The following VPS53 variants were observed in gnomAD, a reference collection of about 807,000 sequenced individuals.
VPS53 encodes VPS53 subunit of GARP complex, also known as vacuolar protein sorting-associated protein 53 homolog.
VPS53 carries 70 observed loss-of-function variants against 107.0 expected under a neutral mutation model. The observed-to-expected ratio is 0.65, with a 90% CI of 0.54 to 0.80. The LOEUF (loss-of-function observed/expected upper bound fraction) is 0.80, where lower values mean the gene tolerates loss of function less well. Ranked by LOEUF, VPS53 falls within the 30% of genes least tolerant of loss-of-function variation. VPS53 has a pLI of 0.00. For synonymous variants in VPS53, 409 were observed against 393.3 expected (o/e 1.04, Z -0.47); for missense variants, 917 against 1,049.4 (o/e 0.87, Z 1.74).
chr17:674,127 T>A (rs1034466765), intron 4 of VPS53: 1 of 152,192 alleles, frequency 6.6e-6, no homozygotes. Context: ...CACCTCCAAG[T>A]GGCAAAAGAC....
At chr17:624,708 C>T (rs1397187727) in intron 10 of VPS53, among the ~76,000 whole-genome samples, 1 of 152,166 alleles carries the variant, frequency 6.6e-6, no homozygotes, top group African/African-American at 2.4e-5. Flanking sequence ...CCAGCCTCTC[C>T]CAGGCTCCAT....
At position 574,778 on chromosome 17, in the gene VPS53, A is replaced by C. The variant is rs554472710; in HGVS notation, c.1313+11492T>G. Among the ~76,000 whole-genome samples, 51 of 152,270 alleles carry C rather than the reference A, an allele frequency of 3.3e-4. 1 individual carries two copies. Among genetic ancestry groups the C allele is most frequent in the Admixed American group, 1.5e-3 (23 of 15,294 alleles). ...ACCCCGTCTCAAAAATAAATAAATAAAAATAAACCCTGGACCCAGTAACTT... is the reference window on the plus strand; with the variant it reads ...ACCCCGTCTCAAAAATAAATAAATACAAATAAACCCTGGACCCAGTAACTT... On this transcript the variant is annotated intron_variant, in intron 13 of 21. Transcript: ENST00000437048.
At chr17:632,916 A>G in intron 7 of VPS53, 2 of 383,642 alleles carry the variant, frequency 5.2e-6, no homozygotes, top group Non-Finnish European at 1.0e-5. Context: ...TAAGGTAAAA[A>G]CAAAAAGAGC....
At chr17:592,538 C>T (rs1967719357) in intron 12 of VPS53, among the ~76,000 whole-genome samples, 1 of 152,068 alleles carries the variant, frequency 6.6e-6, no homozygotes, top group African/African-American at 2.4e-5. Flanking sequence ...CCGGTTGTTC[C>T]TTTCCATGTT....
Position 655,886 on chromosome 17 carries a change from G to T in VPS53, c.440C>A (p.Thr147Asn), listed in dbSNP as rs536729605. Residue 147 changes from threonine (T) to asparagine (N), a missense_variant, in exon 6 of 22, where the codon ACC becomes AAC. Thr to Asn is a moderately conservative substitution (Grantham distance 65, BLOSUM62 0). Coordinates refer to ENST00000437048, the MANE Select transcript of VPS53 (RefSeq NM_001128159.3). ...CAGCATGTGCAGGTGGTTCAGTGTG[G>T]TGATTGAGGTGGTCAGGTGGCGTTT... is the stretch of plus-strand genomic sequence containing the variant. ...HAKRHLTTSI[T>N]TLNHLHMLAG... The T allele has an allele frequency of 6.2e-7, 1 of 1,613,406 alleles. No individual in the cohort carries two copies. Among genetic ancestry groups the T allele is most frequent in the African/African-American group, 1.3e-5 (1 of 74,868 alleles).
chr17:628,409 C>A (rs1321259995), intron 8 of VPS53, among the ~76,000 whole-genome samples, 178 bp from the exon 9 acceptor site: 2 of 152,166 alleles, frequency 1.3e-5, no homozygotes, highest in South Asian at 4.1e-4. Context: ...AGGATGGAAT[C>A]CTTACACTCG....
intron 18 of VPS53, 139 bp from the exon 19 acceptor site, chr17:533,050 T>C: frequency 7.2e-7 from 1 of 1,395,920 alleles, no homozygotes; most frequent in Non-Finnish European, 9.5e-7. Context: ...TTGCCCATTA[T>C]CTTATTTTTC....
intron 4 of VPS53, among the ~76,000 whole-genome samples, chr17:665,901 G>A (rs1971662571): frequency 6.6e-6 from 1 of 152,202 alleles, no homozygotes; most frequent in Non-Finnish European, 1.5e-5. Flanking sequence ...CTACTCGGGA[G>A]GCTGAGGCAG....
At chr17:712,737 A>G (rs2144039659) in intron 1 of VPS53, among the ~76,000 whole-genome samples, 1 of 152,326 alleles carries the variant, frequency 6.6e-6, no homozygotes, top group Non-Finnish European at 1.5e-5. Flanking sequence ...GTCAGAATTC[A>G]CCGCTATGTA....
chr17:700,169 T>TGTAATGTATTAGTA (rs1395651626), intron 2 of VPS53, among the ~76,000 whole-genome samples: 3 of 152,176 alleles, frequency 2.0e-5, no homozygotes, highest in Non-Finnish European at 4.4e-5. Context: ...TAGGAGTAAT[T>TGTAATGTATTAGTA]GTAATGTATT....
intron 11 of VPS53, among the ~76,000 whole-genome samples, chr17:605,629 G>T (rs1040549054): frequency 2.2e-5 from 3 of 139,078 alleles, no homozygotes; most frequent in Middle Eastern, 4.2e-3. Flanking sequence ...GGGGTGGCGA[G>T]AGTCCCATCA....
rs1340220218 is a variant in VPS53 at position 511,325 on chromosome 17, T to G, written c.*7803A>C. On this transcript the variant is annotated 3_prime_UTR_variant, in exon 22 of 22. Coordinates refer to ENST00000437048, the MANE Select transcript of VPS53 (RefSeq NM_001128159.3). ...CAGCCCACACTGCAAATACTTTTCT[T>G]GGCCCTGGAAGTAGAGGGAAGTTTG... 1 of 152,176 alleles carries G rather than the reference T, an allele frequency of 6.6e-6. No individual in the cohort carries two copies. Among genetic ancestry groups the G allele is most frequent in the East Asian group, 1.9e-4 (1 of 5,188 alleles). 9.4% of individuals were successfully genotyped at this position (152,176 alleles called of 1,614,324 possible).
rs1048680015 is a variant in VPS53 at position 562,394 on chromosome 17, C to T, written c.1556+109G>A. The stretch of plus-strand genomic sequence containing the variant: ...TCGGGAACTCAGGAAGCGTGCTTTC[C>T]TCCTTGATACTCTTGGTGGTTTAGT... On this transcript the variant is annotated intron_variant, in intron 14 of 21. Transcript: ENST00000437048. 8 of 1,488,656 alleles carry T rather than the reference C, an allele frequency of 5.4e-6. No individual in the cohort carries two copies. The African/African-American group carries it at 1.1e-4, about 21-fold the overall frequency. 92.2% of individuals were successfully genotyped at this position (1,488,656 alleles called of 1,614,324 possible). A position where few individuals can be genotyped will look rare whatever the true frequency, so the allele number is the denominator to read the frequency against.
Position 652,892 on chromosome 17 carries a change from C to T in VPS53, c.608+399G>A, listed in dbSNP as rs566414740. Among the ~76,000 whole-genome samples the T allele has an allele frequency of 4.0e-4, 61 of 152,322 alleles. No homozygotes were observed. In the South Asian group the frequency reaches 0.012, roughly 30 times the overall value. The stretch of plus-strand genomic sequence containing the variant: ...CATGGGAAGGGGTAAAGTGGGGGAA[C>T]GTCTGCACCAGACAGTTAGATCAGG... On this transcript the variant is annotated intron_variant, in intron 7 of 21. Coordinates refer to ENST00000437048, the MANE Select transcript of VPS53 (RefSeq NM_001128159.3).
chr17:522,974 G>A (rs1365947808), intron 19 of VPS53: 9 of 152,206 alleles, frequency 5.9e-5, no homozygotes, highest in Non-Finnish European at 1.2e-4. Flanking sequence ...TGGACGGGAA[G>A]CTGGAATTCA....
chr17:607,923 T>C (rs1428369544), intron 11 of VPS53, among the ~76,000 whole-genome samples: 1 of 152,168 alleles, frequency 6.6e-6, no homozygotes, highest in Non-Finnish European at 1.5e-5. Context: ...CTCGTCTGCC[T>C]ACACAAATCC....
intron 8 of VPS53, among the ~76,000 whole-genome samples, chr17:629,825 ACAC>A (rs1381003487): frequency 2.6e-5 from 4 of 150,952 alleles, no homozygotes; most frequent in African/African-American, 9.7e-5. Flanking sequence ...ACACACACAC[ACAC>A]ACACACACAC....
intron 4 of VPS53, among the ~76,000 whole-genome samples, chr17:691,015 T>G (rs1411103679): frequency 6.6e-6 from 1 of 152,190 alleles, no homozygotes; most frequent in Non-Finnish European, 1.5e-5. Flanking sequence ...ACTGTCTCAG[T>G]GTATATGTTG....
chr17:661,858 A>G lies in VPS53; in HGVS notation c.323T>C (p.Phe108Ser), dbSNP rs1452826492. ...GTCTTTGATATCTTTGATTTTGCCAAAGAGTTGTTGGATAGCTTTCTGAGC... is the reference window on the plus strand; with the variant it reads ...GTCTTTGATATCTTTGATTTTGCCAGAGAGTTGTTGGATAGCTTTCTGAGC... ...EEAQKAIQQLFGKIKDIKDKA... is the reference protein window; with the variant it reads ...EEAQKAIQQLSGKIKDIKDKA... Residue 108 changes from phenylalanine (F) to serine (S), a missense_variant, in exon 5 of 22, where the codon TTT becomes TCT. Coordinates refer to ENST00000437048, the MANE Select transcript of VPS53 (RefSeq NM_001128159.3). 6.4e-7 allele frequency: 1 copy of G among 1,552,308 alleles called. No homozygotes were observed. The highest frequency in any genetic ancestry group is 2.4e-5 in the East Asian group (1 of 40,910).
Sources: allele counts gnomAD v4.1 joint callset (sites outside exome capture counted in the v4.1 genomes callset), GRCh38; gene constraint gnomAD v4.1.1; transcripts MANE v1.5; gene names NCBI Gene and HGNC (gene_info 2026-07-23, HGNC 2026-07-21).